FAM117B: variants seen among roughly 807,000 people sequenced by gnomAD.
The protein encoded by FAM117B is family with sequence similarity 117 member B, also known as protein FAM117B.
A neutral mutation model predicts 52.8 loss-of-function variants in FAM117B; 22 were observed. The observed-to-expected ratio is 0.42, with a 90% CI of 0.30 to 0.59. The LOEUF is 0.59. Ranked by LOEUF, FAM117B falls within the 20% of genes least tolerant of loss-of-function variation. FAM117B has a pLI of 0.22. For synonymous variants in FAM117B, 309 were observed against 324.1 expected (o/e 0.95, Z 0.50); for missense variants, 678 against 802.6 (o/e 0.84, Z 1.88).
chr2:202,731,362 T>TATATATATATATATATATAC (rs1185524899), intron 4 of FAM117B, among the ~76,000 whole-genome samples: 8 of 131,338 alleles, frequency 6.1e-5, no homozygotes, highest in Admixed American at 4.7e-4. Flanking sequence ...TATATATATA[T>TATATATATATATATATATAC]ATATATGGAG....
intron 1 of FAM117B, among the ~76,000 whole-genome samples, chr2:202,646,199 G>A (rs1029293180): frequency 1.3e-4 from 19 of 148,800 alleles, no homozygotes; most frequent in African/African-American, 4.5e-4. Flanking sequence ...GCTAATTTTG[G>A]TGGGTTTCAC....
At chr2:202,671,897 A>G (rs1003554678) in intron 1 of FAM117B, among the ~76,000 whole-genome samples, 5 of 152,184 alleles carry the variant, frequency 3.3e-5, no homozygotes, top group Non-Finnish European at 5.9e-5. Context: ...CTCTCTTCCA[A>G]TCAATGACTC....
intron 4 of FAM117B, among the ~76,000 whole-genome samples, chr2:202,738,702 T>G (rs1691478194): frequency 6.6e-6 from 1 of 152,184 alleles, no homozygotes; most frequent in Admixed American, 6.5e-5. Flanking sequence ...TGACCCTAGA[T>G]TATTAGCTTC....
At chr2:202,651,218 C>T (rs13383427) in intron 1 of FAM117B, among the ~76,000 whole-genome samples, 13,617 of 151,938 alleles carry the variant, frequency 0.09, 2,048 homozygotes, top group African/African-American at 0.31. Context: ...CCTGTCACCA[C>T]GCCCAGCTAA....
chr2:202,682,218 G>A (rs1048012042), intron 1 of FAM117B, among the ~76,000 whole-genome samples: 6 of 152,130 alleles, frequency 3.9e-5, no homozygotes, highest in African/African-American at 1.2e-4. Flanking sequence ...CTGGGTGCTG[G>A]GCAAGAATTC....
intron 2 of FAM117B, among the ~76,000 whole-genome samples, chr2:202,700,013 C>T (rs1690773663): frequency 6.6e-6 from 1 of 152,118 alleles, no homozygotes; most frequent in Non-Finnish European, 1.5e-5. Flanking sequence ...CTATATAAGA[C>T]GGGGAACTTA....
intron 4 of FAM117B, among the ~76,000 whole-genome samples, chr2:202,747,514 A>G (rs1691652401): frequency 1.3e-5 from 2 of 152,174 alleles, no homozygotes; most frequent in Non-Finnish European, 2.9e-5. Flanking sequence ...TATATATGGA[A>G]AAACCTACCC....
At chr2:202,655,514 G>A (rs1308030946) in intron 1 of FAM117B, among the ~76,000 whole-genome samples, 1 of 152,112 alleles carries the variant, frequency 6.6e-6, no homozygotes, top group African/African-American at 2.4e-5. Context: ...TTGGTTTGTA[G>A]TGTTCTGTTC....
At chr2:202,732,800 G>A (rs925642331) in intron 4 of FAM117B, among the ~76,000 whole-genome samples, 3 of 150,990 alleles carry the variant, frequency 2.0e-5, no homozygotes, top group South Asian at 2.1e-4. Context: ...CAGCCTGGGC[G>A]ACAGAGTGAG....
chr2:202,723,610 A>G (rs1249205609), intron 2 of FAM117B, among the ~76,000 whole-genome samples: 1 of 152,152 alleles, frequency 6.6e-6, no homozygotes, highest in East Asian at 1.9e-4. Flanking sequence ...ATTCATTTTT[A>G]TAGCTGCACA....
intron 1 of FAM117B, among the ~76,000 whole-genome samples, chr2:202,647,118 TA>T (rs1367704932): frequency 6.6e-6 from 1 of 152,282 alleles, no homozygotes; most frequent in East Asian, 1.9e-4. Context: ...AAATGGGATT[TA>T]TTTTTTCTAA....
intron 1 of FAM117B, among the ~76,000 whole-genome samples, chr2:202,674,455 C>T (rs917091519): frequency 6.6e-6 from 1 of 152,174 alleles, no homozygotes; most frequent in African/African-American, 2.4e-5. Flanking sequence ...GAATTTGAAC[C>T]ACGTCTGGAT....
At chr2:202,667,936 A>T (rs1306941116) in intron 1 of FAM117B, among the ~76,000 whole-genome samples, 1 of 151,568 alleles carries the variant, frequency 6.6e-6, no homozygotes, top group Non-Finnish European at 1.5e-5. Context: ...AAGTAAAATC[A>T]CTGTTCCCAG....
At chr2:202,710,206 T>G (rs1690935833) in intron 2 of FAM117B, among the ~76,000 whole-genome samples, 1 of 152,194 alleles carries the variant, frequency 6.6e-6, no homozygotes, top group South Asian at 2.1e-4. Context: ...TGTAGATGAC[T>G]TTGGGTAGTG....
intron 1 of FAM117B, among the ~76,000 whole-genome samples, chr2:202,659,088 C>G (rs1024236927): frequency 6.6e-6 from 1 of 152,038 alleles, no homozygotes; most frequent in Non-Finnish European, 1.5e-5. Flanking sequence ...TCACTGCAAC[C>G]TCTGCCTCCC....
intron 2 of FAM117B, among the ~76,000 whole-genome samples, chr2:202,723,660 A>G (rs1025335095): frequency 1.3e-5 from 2 of 152,218 alleles, no homozygotes; most frequent in African/African-American, 4.8e-5. Flanking sequence ...TATTTAGCCA[A>G]ACCTAAATAA....
chr2:202,636,279 A>G (rs1574535026), intron 1 of FAM117B, among the ~76,000 whole-genome samples: 1 of 152,242 alleles, frequency 6.6e-6, no homozygotes, highest in African/African-American at 2.4e-5. Flanking sequence ...GCAGTGGCAG[A>G]TTTGGATCAC....
chr2:202,672,124 TAG>T (rs1442227044), intron 1 of FAM117B, among the ~76,000 whole-genome samples: 1 of 152,220 alleles, frequency 6.6e-6, no homozygotes. Context: ...TTAATTTTAA[TAG>T]AGTCTTCAAG....
In FAM117B at chr2:202,757,297, C is replaced by T; in HGVS notation, c.1189C>T (p.Pro397Ser). The T allele has an allele frequency of 6.2e-7, 1 of 1,614,134 alleles. No homozygotes were observed. The highest frequency in any genetic ancestry group is 1.6e-4 in the Middle Eastern group (1 of 6,062). ...SSTRSIDTQT[P>S]GGADRGSNNS... ...CACGCGCAGCATTGACACACAGACG[C>T]CTGGTGGGGCAGACAGGGGAAGCAA... The change falls in exon 6 of 8, where the codon CCT becomes TCT. Residue 397 changes from proline to serine, a missense_variant. Transcript: ENST00000392238.
Sources: gnomAD v4.1 joint callset for allele counts (sites outside exome capture counted in the v4.1 genomes callset) on GRCh38, gnomAD v4.1.1 for gene constraint, MANE v1.5 for transcripts, NCBI Gene and HGNC (gene_info 2026-07-23, HGNC 2026-07-21) for gene names.